The following CACHD1 variants were observed in gnomAD, a reference collection of about 807,000 sequenced individuals.
CACHD1 encodes VWFA and cache domain-containing protein 1.
In CACHD1, 71 loss-of-function variants were observed where a neutral mutation model predicts 138.7. The observed-to-expected ratio is 0.51, with a 90% CI of 0.42 to 0.62. CACHD1 has a LOEUF of 0.62. Ranked by LOEUF, CACHD1 falls within the 20% of genes least tolerant of loss-of-function variation. CACHD1 has a pLI of 0.00. For missense variants in CACHD1, 1,389 were observed against 1,625.3 expected (o/e 0.85, Z 2.50); for synonymous variants, 578 against 591.5 (o/e 0.98, Z 0.33).
chr1:64,611,612 C>A (rs1332264372), intron 4 of CACHD1, among the ~76,000 whole-genome samples: 1 of 152,180 alleles, frequency 6.6e-6, no homozygotes, highest in Non-Finnish European at 1.5e-5. Flanking sequence ...TGCTCCAGTT[C>A]CCAATAAGTT....
At chr1:64,608,104 A>G (rs1438958740) in intron 4 of CACHD1, among the ~76,000 whole-genome samples, 2 of 152,186 alleles carry the variant, frequency 1.3e-5, no homozygotes, top group Non-Finnish European at 2.9e-5. Flanking sequence ...TGTCTCAAGT[A>G]TAACCTACTA....
intron 3 of CACHD1, among the ~76,000 whole-genome samples, chr1:64,596,224 A>T (rs1647150427): frequency 1.3e-5 from 2 of 152,094 alleles, no homozygotes; most frequent in South Asian, 4.1e-4. Flanking sequence ...GCCAGTGCAG[A>T]TGTTTGATTT....
chr1:64,621,432 TC>T, intron 4 of CACHD1, among the ~76,000 whole-genome samples: 1 of 152,280 alleles, frequency 6.6e-6, no homozygotes, highest in Non-Finnish European at 1.5e-5. Flanking sequence ...AGTTTGTTCT[TC>T]CTCTCTATTT....
At chr1:64,575,525 C>G (rs1027925492) in intron 2 of CACHD1, among the ~76,000 whole-genome samples, 1 of 152,130 alleles carries the variant, frequency 6.6e-6, no homozygotes, top group Non-Finnish European at 1.5e-5. Flanking sequence ...AAGGTTTATT[C>G]TTTAGTGGTA....
intron 1 of CACHD1, among the ~76,000 whole-genome samples, chr1:64,532,129 T>G (rs1353891725): frequency 6.6e-6 from 1 of 152,158 alleles, no homozygotes; most frequent in Non-Finnish European, 1.5e-5. Context: ...AAGGGAGTCT[T>G]AATGATAAAA....
At chr1:64,522,107 T>A (rs1049450949) in intron 1 of CACHD1, among the ~76,000 whole-genome samples, 22 of 152,204 alleles carry the variant, frequency 1.4e-4, no homozygotes, top group Non-Finnish European at 2.2e-4. Flanking sequence ...TTGAGATATT[T>A]GATCCATTTT....
At chr1:64,685,987 A>C (rs1206944315) in intron 26 of CACHD1, among the ~76,000 whole-genome samples, 1 of 152,116 alleles carries the variant, frequency 6.6e-6, no homozygotes, top group Non-Finnish European at 1.5e-5. Flanking sequence ...GTCTAGGAGG[A>C]AGCTATAAAT....
chr1:64,514,601 TG>T (rs1275848251), intron 1 of CACHD1, among the ~76,000 whole-genome samples: 1 of 152,224 alleles, frequency 6.6e-6, no homozygotes, highest in Non-Finnish European at 1.5e-5. Context: ...ATAGGATCAT[TG>T]GTATTTACCA....
chr1:64,652,162 T>G lies in CACHD1; in HGVS notation c.1392T>G (p.Gly464=), dbSNP rs1649116271. Residue 464 remains glycine, a splice_region_variant and synonymous_variant, in exon 10 of 27, where the codon GGT becomes GGG. Coordinates refer to ENST00000651257, the MANE Select transcript of CACHD1 (RefSeq NM_020925.4). ...ATTTATTTTGTTTTTAACCCATAGGTTTGATAATGACTGTGAGTAAACCCT... is the reference window on the plus strand; with the variant it reads ...ATTTATTTTGTTTTTAACCCATAGGGTTGATAATGACTGTGAGTAAACCCT... ...SLPFSDEMGD[G]LIMTVSKPCY... The G allele has an allele frequency of 1.9e-6, 3 of 1,605,472 alleles. No individual in the cohort carries two copies. In the East Asian group the frequency reaches 6.7e-5, roughly 36 times the overall value.
intron 12 of CACHD1, among the ~76,000 whole-genome samples, chr1:64,655,267 C>T (rs1381529737): frequency 2.0e-5 from 3 of 152,080 alleles, no homozygotes; most frequent in Non-Finnish European, 4.4e-5. Flanking sequence ...TTTTCATTCC[C>T]CATAAGTAGC....
intron 4 of CACHD1, among the ~76,000 whole-genome samples, chr1:64,619,856 T>C (rs1409587634): frequency 6.6e-6 from 1 of 152,220 alleles, no homozygotes; most frequent in Non-Finnish European, 1.5e-5. Context: ...CCTCTAGTTA[T>C]AATAACTGTA....
At chr1:64,664,786 C>T in intron 15 of CACHD1, 107 bp downstream of exon 15, 1 of 955,496 alleles carries the variant, frequency 1.0e-6, no homozygotes, top group Admixed American at 2.7e-5. Flanking sequence ...AAAGAAGATA[C>T]TTTCATGGTG....
At chr1:64,648,114 T>C in intron 9 of CACHD1, 80 bp downstream of exon 9, 3 of 1,056,068 alleles carry the variant, frequency 2.8e-6, no homozygotes, top group Non-Finnish European at 4.2e-6. Context: ...CTCAGGATCA[T>C]AGGGTTTCTT....
intron 2 of CACHD1, among the ~76,000 whole-genome samples, chr1:64,574,035 G>A (rs535883939): frequency 6.6e-6 from 1 of 152,280 alleles, no homozygotes; most frequent in African/African-American, 2.4e-5. Context: ...GGAAATTCTG[G>A]AAAAGGACAG....
intron 4 of CACHD1, among the ~76,000 whole-genome samples, chr1:64,607,773 G>C (rs1455463538): frequency 6.6e-6 from 1 of 152,160 alleles, no homozygotes; most frequent in African/African-American, 2.4e-5. Context: ...TGATGGGTAT[G>C]AACGTGGGGA....
Position 64,677,774 on chromosome 1 carries a change from C to T in CACHD1, c.3093-385C>T, listed in dbSNP as rs1650044558. 2.0e-5 allele frequency among the ~76,000 whole-genome samples: 3 copies of T among 152,180 alleles called. No homozygotes were observed. The South Asian group carries it at 6.2e-4, about 32-fold the overall frequency. ...ACCTGTGGTGACTGGCCAAGTATTT[C>T]CAAACTTATTGGACTTTTTTTTTTA... On this transcript the variant is annotated intron_variant, in intron 22 of 26. Transcript: ENST00000651257.
intron 2 of CACHD1, among the ~76,000 whole-genome samples, chr1:64,552,769 G>A (rs1222070339): frequency 6.6e-6 from 1 of 152,210 alleles, no homozygotes; most frequent in African/African-American, 2.4e-5. Flanking sequence ...ATGGGCCACT[G>A]TGCCCAGCCT....
chr1:64,479,643 C>T (rs1297466269), intron 1 of CACHD1, among the ~76,000 whole-genome samples: 1 of 152,168 alleles, frequency 6.6e-6, no homozygotes, highest in Non-Finnish European at 1.5e-5. Flanking sequence ...GAACACTCAA[C>T]TCACACTGGC....
chr1:64,641,424 G>A (rs1254341801), intron 7 of CACHD1, among the ~76,000 whole-genome samples: 1 of 152,156 alleles, frequency 6.6e-6, no homozygotes, highest in African/African-American at 2.4e-5. Flanking sequence ...CTCAAGAAAC[G>A]AGCATTCATG....
Sources: gnomAD v4.1 joint callset for allele counts (sites outside exome capture counted in the v4.1 genomes callset) on GRCh38, gnomAD v4.1.1 for gene constraint, MANE v1.5 for transcripts, NCBI Gene and HGNC (gene_info 2026-07-23, HGNC 2026-07-21) for gene names.